SV2C: variants seen among roughly 807,000 people sequenced by gnomAD.
The protein encoded by SV2C is solute carrier family 22 member B3.
In SV2C, 49 loss-of-function variants were observed where a neutral mutation model predicts 79.7. That is an observed-to-expected ratio of 0.61 (90% CI 0.49 to 0.78). The LOEUF (loss-of-function observed/expected upper bound fraction) is 0.78. Ranked by LOEUF, SV2C falls within the 30% of genes least tolerant of loss-of-function variation. The pLI, the probability that SV2C is intolerant of heterozygous loss-of-function variation, is 0.00. For synonymous variants in SV2C, 334 were observed against 333.2 expected (o/e 1.00, Z -0.03); for missense variants, 833 against 912.9 (o/e 0.91, Z 1.13).
At chr5:76,184,098 T>A (rs1248018241) in intron 2 of SV2C, among the ~76,000 whole-genome samples, 1 of 152,204 alleles carries the variant, frequency 6.6e-6, no homozygotes, top group African/African-American at 2.4e-5. Context: ...TGCCAAAACC[T>A]TGGTGTTAAG....
rs577103793 is a variant in SV2C at position 76,171,573 on chromosome 5, T to C, written c.581-23346T>C. Among the ~76,000 whole-genome samples, 32 of 141,844 alleles carry C rather than the reference T, an allele frequency of 2.3e-4. 1 individual carries two copies. The highest frequency in any genetic ancestry group is 6.9e-4 in the African/African-American group (27 of 39,268). The allele number at this position is 141,844 out of a possible 152,430, so 93.1% of individuals were successfully genotyped here. A position where few individuals can be genotyped will look rare whatever the true frequency, so the allele number is the denominator to read the frequency against. On this transcript the variant is annotated intron_variant, in intron 2 of 12. Transcript: ENST00000502798. ...CACCCCATCTGGGAAGTGAGGAGCG[T>C]CTCCGCCGGGCAGCCACCCCGTCCA...
At chr5:76,111,939 A>C (rs1056838766) in intron 1 of SV2C, among the ~76,000 whole-genome samples, 2 of 152,218 alleles carry the variant, frequency 1.3e-5, no homozygotes, top group African/African-American at 2.4e-5. Flanking sequence ...AATTTGGGTG[A>C]TGCCACCCAT....
At chr5:76,261,982 C>T (rs946769907) in intron 4 of SV2C, among the ~76,000 whole-genome samples, 4 of 151,958 alleles carry the variant, frequency 2.6e-5, no homozygotes, top group Non-Finnish European at 4.4e-5. Context: ...AGGAGTCCCT[C>T]TTTTTTTTAT....
intron 1 of SV2C, among the ~76,000 whole-genome samples, chr5:76,109,514 A>C (rs1748033458): frequency 6.6e-6 from 1 of 152,194 alleles, no homozygotes; most frequent in Non-Finnish European, 1.5e-5. Flanking sequence ...CCCCGAAAAG[A>C]AATGTTAAAG....
At chr5:75,951,628 T>C in the SV2C span, among the ~76,000 whole-genome samples, 10 of 152,140 alleles carry the variant, frequency 6.6e-5, no homozygotes, top group East Asian at 1.9e-3. Flanking sequence ...ATCTAGGGAT[T>C]TACTTGAACA....
rs375351450 is a variant in SV2C at position 76,130,145 on chromosome 5, T to TAAAAAAAAAA, written c.-101-1479_-101-1470dup. Among the ~76,000 whole-genome samples the TAAAAAAAAAA allele has an allele frequency of 5.8e-4, 39 of 67,824 alleles. 1 individual carries two copies. The highest frequency in any genetic ancestry group is 8.7e-4 in the African/African-American group (10 of 11,442). The allele number at this position is 67,824 out of a possible 152,430, so 44.5% of individuals were successfully genotyped here. A position where few individuals can be genotyped will look rare whatever the true frequency, so the allele number is the denominator to read the frequency against. ...CTCCCTTTCTCTTCCTCTCAGTTCT[T>TAAAAAAAAAA]AAAAAAAAAAAAAAAAAAAAAAAAA... On this transcript the variant is annotated intron_variant, in intron 1 of 12. Transcript: ENST00000502798.
chr5:76,192,971 T>C (rs905877134), intron 2 of SV2C, among the ~76,000 whole-genome samples: 8 of 152,210 alleles, frequency 5.3e-5, no homozygotes, highest in African/African-American at 1.9e-4. Context: ...GTTAGTAAAA[T>C]CTTCCCAGAG....
chr5:75,996,376 G>A, the SV2C span, among the ~76,000 whole-genome samples: 1 of 152,148 alleles, frequency 6.6e-6, no homozygotes, highest in Non-Finnish European at 1.5e-5. Context: ...ATGCTGTTTT[G>A]GTTACTGTAG....
intron 4 of SV2C, among the ~76,000 whole-genome samples, chr5:76,257,367 T>TG (rs111635390): frequency 8.3e-3 from 980 of 117,744 alleles, no homozygotes; most frequent in Middle Eastern, 0.023. Flanking sequence ...TGGTTGTATG[T>TG]GTTGGGGTGT....
At chr5:76,311,812 C>T (rs1288813218) in intron 12 of SV2C, among the ~76,000 whole-genome samples, 2 of 152,286 alleles carry the variant, frequency 1.3e-5, no homozygotes, top group Admixed American at 6.5e-5. Context: ...CTCATTTCTC[C>T]GTCCCCAGTC....
intron 4 of SV2C, among the ~76,000 whole-genome samples, chr5:76,217,372 T>A (rs540755689): frequency 6.6e-6 from 1 of 152,292 alleles, no homozygotes; most frequent in East Asian, 1.9e-4. Flanking sequence ...ACCAGACAGA[T>A]ATTCAACAAG....
At chr5:76,050,432 T>G in the SV2C span, among the ~76,000 whole-genome samples, 2 of 152,176 alleles carry the variant, frequency 1.3e-5, no homozygotes, top group Non-Finnish European at 2.9e-5. Flanking sequence ...TGTCAGAGCC[T>G]TGGAGATCCT....
the SV2C span, among the ~76,000 whole-genome samples, chr5:76,074,483 T>G: frequency 0.53 from 80,823 of 152,038 alleles, 22,165 homozygotes; most frequent in East Asian, 0.72. Context: ...ATTCAGTTAT[T>G]GGCCTATAAA....
chr5:76,277,539 C>T (rs968977208), intron 4 of SV2C, among the ~76,000 whole-genome samples: 3 of 152,086 alleles, frequency 2.0e-5, no homozygotes, highest in African/African-American at 2.4e-5. Flanking sequence ...TTTGAGAGGC[C>T]GAGGCAGAAG....
At chr5:75,949,859 G>A in the SV2C span, among the ~76,000 whole-genome samples, 1 of 152,120 alleles carries the variant, frequency 6.6e-6, no homozygotes, top group East Asian at 1.9e-4. Context: ...TGATTGTGGT[G>A]GAGGTGTTAA....
chr5:75,889,683 T>A, the SV2C span, among the ~76,000 whole-genome samples: 1 of 152,128 alleles, frequency 6.6e-6, no homozygotes, highest in African/African-American at 2.4e-5. Flanking sequence ...AGGACTTCAA[T>A]GTATGAATTA....
chr5:75,942,220 A>C, the SV2C span, among the ~76,000 whole-genome samples: 2 of 152,206 alleles, frequency 1.3e-5, no homozygotes, highest in Non-Finnish European at 2.9e-5. Flanking sequence ...GTATCTCTTC[A>C]TCCAGTTGTT....
chr5:76,047,766 CTTTTT>C, the SV2C span, among the ~76,000 whole-genome samples: 7 of 129,246 alleles, frequency 5.4e-5, no homozygotes, highest in South Asian at 1.5e-3. Flanking sequence ...TTTTTCTTTT[CTTTTT>C]TTTTTTTTTT....
intron 12 of SV2C, among the ~76,000 whole-genome samples, chr5:76,319,093 A>G (rs1413451670): frequency 1.3e-5 from 2 of 152,138 alleles, no homozygotes; most frequent in East Asian, 3.9e-4. Flanking sequence ...TTTTTCTAAT[A>G]CAGCTGTGTC....
Sources: gnomAD v4.1 joint callset for allele counts (sites outside exome capture counted in the v4.1 genomes callset) on GRCh38, gnomAD v4.1.1 for gene constraint, MANE v1.5 for transcripts, NCBI Gene and HGNC (gene_info 2026-07-23, HGNC 2026-07-21) for gene names.